MCC: variants seen among roughly 807,000 people sequenced by gnomAD.
The protein encoded by MCC is MCC regulator of Wnt signaling pathway.
A neutral mutation model predicts 116.2 loss-of-function variants in MCC; 90 were observed. The observed-to-expected ratio is 0.77, with a 90% CI of 0.65 to 0.92. MCC has a LOEUF of 0.92. MCC is among the 40% of genes least tolerant of loss of function. MCC has a pLI of 0.00. For synonymous variants in MCC, 578 were observed against 510.5 expected (o/e 1.13, Z -1.78); for missense variants, 1,516 against 1,312.2 (o/e 1.16, Z -2.40).
intron 3 of MCC, among the ~76,000 whole-genome samples, chr5:113,261,179 C>T (rs1562018): frequency 0.055 from 8,334 of 152,254 alleles, 745 homozygotes; most frequent in African/African-American, 0.19. Flanking sequence ...CTACTTTAAA[C>T]GTGCTCAAAA....
At chr5:113,401,525 T>C (rs763760416) in intron 1 of MCC, among the ~76,000 whole-genome samples, 40 of 152,154 alleles carry the variant, frequency 2.6e-4, no homozygotes, top group Non-Finnish European at 4.9e-4. Context: ...CTTGGTCCCA[T>C]TGTCTTTCTC....
intron 18 of MCC, 121 bp from the exon 19 acceptor site, chr5:113,027,603 C>T (rs1199523278): frequency 1.1e-6 from 1 of 909,700 alleles, no homozygotes; most frequent in Non-Finnish European, 1.7e-6. Context: ...CACTCATCCT[C>T]TTCGGTAAGA....
chr5:113,032,441 T>G (rs1005454377), intron 17 of MCC, among the ~76,000 whole-genome samples: 3 of 151,536 alleles, frequency 2.0e-5, no homozygotes, highest in African/African-American at 4.8e-5. Context: ...GGATACTGAT[T>G]ACATGTTGAG....
At chr5:113,098,710 C>G (rs1232563655) in intron 8 of MCC, among the ~76,000 whole-genome samples, 1 of 152,178 alleles carries the variant, frequency 6.6e-6, no homozygotes, top group Non-Finnish European at 1.5e-5. Context: ...AGAAGACCTA[C>G]AGAGAGCACT....
At chr5:113,222,998 A>AT (rs1295347638) in intron 3 of MCC, among the ~76,000 whole-genome samples, 2 of 152,158 alleles carry the variant, frequency 1.3e-5, no homozygotes, top group Non-Finnish European at 2.9e-5. Context: ...GGGCTCAGAT[A>AT]TTTTTCTGCA....
chr5:113,198,985 G>A (rs1259128165), intron 3 of MCC, among the ~76,000 whole-genome samples: 1 of 151,822 alleles, frequency 6.6e-6, no homozygotes, highest in Non-Finnish European at 1.5e-5. Context: ...CGGATCACCT[G>A]GGTAAAACCC....
chr5:113,091,883 G>GACACACAC lies in MCC; in HGVS notation c.1399-6581_1399-6574dup, dbSNP rs149076453. On this transcript the variant is annotated intron_variant, in intron 8 of 18. Coordinates refer to ENST00000408903, the MANE Select transcript of MCC (RefSeq NM_001085377.2). ...AGCCTGGGTGATGCAATGAGACTCA[G>GACACACAC]ACACACACACACACACACACCACAC... Among the ~76,000 whole-genome samples the GACACACAC allele has an allele frequency of 6.1e-3, 908 of 149,900 alleles. 6 individuals are homozygous for GACACACAC. Among genetic ancestry groups the GACACACAC allele is most frequent in the African/African-American group, 8.7e-3 (353 of 40,726 alleles).
intron 1 of MCC, among the ~76,000 whole-genome samples, chr5:113,479,241 C>T (rs578026716): frequency 2.0e-5 from 3 of 152,274 alleles, no homozygotes; most frequent in Admixed American, 6.5e-5. Flanking sequence ...TTGTATGATT[C>T]CATTTATGTG....
chr5:113,235,675 G>T (rs1401796715), intron 3 of MCC, among the ~76,000 whole-genome samples: 1 of 152,186 alleles, frequency 6.6e-6, no homozygotes, highest in Non-Finnish European at 1.5e-5. Flanking sequence ...TCAGTACTTG[G>T]AAAGTATTCC....
At chr5:113,323,128 C>G (rs536513668) in intron 3 of MCC, 1 of 152,412 alleles carries the variant, frequency 6.6e-6, no homozygotes, top group East Asian at 1.9e-4. Flanking sequence ...TTTCAATAGG[C>G]CACTTTGGAG....
At chr5:113,462,601 C>T (rs981390820) in intron 1 of MCC, among the ~76,000 whole-genome samples, 11 of 152,174 alleles carry the variant, frequency 7.2e-5, no homozygotes, top group African/African-American at 2.7e-4. Flanking sequence ...AAAACCCCAA[C>T]AGCAATTTGT....
chr5:113,342,664 T>C (rs1274814713), intron 2 of MCC, among the ~76,000 whole-genome samples: 4 of 152,140 alleles, frequency 2.6e-5, no homozygotes, highest in Non-Finnish European at 5.9e-5. Context: ...CAGAAAAAAA[T>C]AGATTTGAGG....
intron 1 of MCC, chr5:113,433,844 T>C (rs41459745): frequency 0.029 from 47,466 of 1,613,972 alleles, 922 homozygotes; most frequent in East Asian, 0.069. Context: ...ACATTTGCAT[T>C]GCTGTCCCCT....
chr5:113,027,572 A>G (rs1323395419), intron 18 of MCC, 90 bp from the exon 19 acceptor site: 1 of 1,147,136 alleles, frequency 8.7e-7, no homozygotes, highest in Non-Finnish European at 1.3e-6. Flanking sequence ...AGATCTAGTG[A>G]GCACTGCTCT....
intron 3 of MCC, among the ~76,000 whole-genome samples, chr5:113,297,141 T>C (rs1462665867): frequency 1.3e-5 from 2 of 152,178 alleles, no homozygotes; most frequent in African/African-American, 4.8e-5. Flanking sequence ...TGTAGTAGGT[T>C]GAAAGTGGGA....
chr5:113,044,560 A>G, intron 16 of MCC: 1 of 748,962 alleles, frequency 1.3e-6, no homozygotes, highest in Non-Finnish European at 1.6e-6. Context: ...CAGGAGATGG[A>G]ATGTAAACAG....
chr5:113,101,384 A>G (rs75757868), intron 8 of MCC: 1 of 170,468 alleles, frequency 5.9e-6, no homozygotes, highest in African/African-American at 2.4e-5. Flanking sequence ...GTAAAATTCC[A>G]TTTTTTTTTT....
chr5:113,064,706 CCT>C (rs938887352), intron 13 of MCC, among the ~76,000 whole-genome samples: 3 of 152,164 alleles, frequency 2.0e-5, no homozygotes, highest in Admixed American at 6.5e-5. Flanking sequence ...CGATGCCACC[CCT>C]GACCCTTCTC....
At chr5:113,444,362 A>T (rs1771145012) in intron 1 of MCC, among the ~76,000 whole-genome samples, 1 of 152,290 alleles carries the variant, frequency 6.6e-6, no homozygotes, top group African/African-American at 2.4e-5. Context: ...AGGGTGAAAG[A>T]CAGAGATTGG....
Sources: gnomAD v4.1 joint callset for allele counts (sites outside exome capture counted in the v4.1 genomes callset) on GRCh38, gnomAD v4.1.1 for gene constraint, MANE v1.5 for transcripts, NCBI Gene and HGNC (gene_info 2026-07-23, HGNC 2026-07-21) for gene names.